Variants in ASPG observed in about 807,000 individuals in gnomAD.
The protein encoded by ASPG is asparaginase, also known as 60 kDa lysophospholipase.
ASPG carries 53 observed loss-of-function variants against 63.2 expected under a neutral mutation model. The ratio of observed to expected loss-of-function variants is 0.84; its 90% CI spans 0.67 to 1.05. ASPG has a LOEUF of 1.05. Among genes scored for constraint, ASPG ranks in the 50% least tolerant of loss-of-function variants. The probability of loss-of-function intolerance (pLI) is 0.00; values close to 1 mark genes in which losing one functional copy is unlikely to be tolerated. For missense variants in ASPG, 741 were observed against 794.4 expected (o/e 0.93, Z 0.81); for synonymous variants, 370 against 355.0 (o/e 1.04, Z -0.48).
At chr14:104,103,733 T>TC in intron 7 of ASPG, 58 bp downstream of exon 7, 1 of 1,449,856 alleles carries the variant, frequency 6.9e-7, no homozygotes, top group Non-Finnish European at 9.4e-7. Context: ...CCTCTGCAGC[T>TC]CCCACGGCCC....
At chr14:104,089,377 G>T (rs907111680) in intron 1 of ASPG, among the ~76,000 whole-genome samples, 4 of 151,934 alleles carry the variant, frequency 2.6e-5, no homozygotes, top group African/African-American at 9.7e-5. Flanking sequence ...AAATTAGCCA[G>T]ATGTGGTGGC....
In ASPG at chr14:104,105,347, G is replaced by C; in HGVS notation, c.1070G>C (p.Arg357Pro). 1 of 1,612,612 alleles carries C rather than the reference G, an allele frequency of 6.2e-7. No individual in the cohort carries two copies. The highest frequency in any genetic ancestry group is 1.7e-5 in the Admixed American group (1 of 60,018). ...VRKELLTKDL[R>P]GEMTPPSVEE... is the part of the protein sequence containing the mutation. ...CACCAGCTGCTGACCAAGGACCTTC[G>C]GGGGGAGATGACGCCACCCTCGGTG... is the stretch of plus-strand genomic sequence containing the variant. Residue 357 changes from arginine to proline, a missense_variant, in exon 10 of 16, where the codon CGG becomes CCG. Physicochemically the swap from Arg to Pro is moderately radical, Grantham distance 103. Coordinates refer to ENST00000551177, the MANE Select transcript of ASPG (RefSeq NM_001080464.3).
At chr14:104,092,451 C>T (rs116618648) in intron 1 of ASPG, among the ~76,000 whole-genome samples, 182 bp from the exon 2 acceptor site, 2,036 of 152,254 alleles carry the variant, frequency 0.013, 12 homozygotes, top group Middle Eastern at 0.017. Flanking sequence ...GGCTTCCAAA[C>T]GCGGGTCAGC....
At chr14:104,105,531 ACGAGCCCCTGTAGCCATCACTC>A in intron 10 of ASPG, 81 bp downstream of exon 10, 1 of 1,461,096 alleles carries the variant, frequency 6.8e-7, no homozygotes, top group Non-Finnish European at 9.1e-7. Context: ...CCAGGCAGGC[ACGAGCCCCTGTAGCCATCACTC>A]GAGCCCAAAC....
rs1566830394 is a variant in ASPG, at chr14:104,098,054, AGAGATGCG to A, written c.513+418_513+425del. 7.2e-3 allele frequency among the ~76,000 whole-genome samples: 650 copies of A among 90,504 alleles called. 118 individuals are homozygous for A. The highest frequency in any genetic ancestry group is 0.011 in the Middle Eastern group (2 of 190). The allele number at this position is 90,504 out of a possible 152,430, so 59.4% of individuals were successfully genotyped here. ...GAGATGCGTATGGAGGTTTTGCGTT[AGAGATGCG>A]TATGGAGGTTTTGCGTTAGAGATGC... is the stretch of plus-strand genomic sequence containing the variant. On this transcript the variant is annotated intron_variant, in intron 5 of 15. Coordinates refer to ENST00000551177, the MANE Select transcript of ASPG (RefSeq NM_001080464.3).
intron 12 of ASPG, chr14:104,108,445 C>CT (rs1279225722): frequency 3.0e-6 from 3 of 985,310 alleles, no homozygotes; most frequent in Non-Finnish European, 3.6e-6. Context: ...CCTCGCTCCG[C>CT]TGCCAGGCTC....
chr14:104,088,799 G>A (rs1298880942), intron 1 of ASPG, among the ~76,000 whole-genome samples: 3 of 152,164 alleles, frequency 2.0e-5, no homozygotes, highest in Non-Finnish European at 4.4e-5. Flanking sequence ...TTGTCTTAGA[G>A]AGCAAAGCCT....
rs368071297 is a variant in ASPG at position 104,092,691 on chromosome 14, C to T, written c.141C>T (p.Asp47=). 1,146 of 1,537,880 alleles carry T rather than the reference C, an allele frequency of 7.5e-4. 3 individuals carry two copies. The highest frequency in any genetic ancestry group is 7.7e-4 in the Non-Finnish European group (881 of 1,147,668). ...TGAGGACACTGCCCATGTTCCATGA[C>T]GAGGAGCACGCCCGAGCCCGCGGCC... ...AILRTLPMFH[D]EEHARARGLS... Residue 47 remains aspartate, a synonymous_variant, in exon 2 of 16, where the codon GAC becomes GAT. Coordinates refer to ENST00000551177, the MANE Select transcript of ASPG (RefSeq NM_001080464.3).
At position 104,107,234 on chromosome 14, in the gene ASPG, C is replaced by CG. The variant is rs1357919928; in HGVS notation, c.1322_1323insG (p.Ala442ArgfsTer85). 5.6e-6 allele frequency: 9 copies of CG among 1,605,638 alleles called. No homozygotes were observed. The highest frequency in any genetic ancestry group is 7.7e-6 in the Non-Finnish European group (9 of 1,175,548). ...AACGGCCAAACCCCACTGCACGCGG[C>CG]CGCCCGGGGAGGCCACACAGAGGCA... On this transcript the variant is annotated frameshift_variant, in exon 12 of 16. Coordinates refer to ENST00000551177, the MANE Select transcript of ASPG (RefSeq NM_001080464.3). LOFTEE classifies it high-confidence loss of function.
At position 104,103,669 on chromosome 14, in the gene ASPG, CG is replaced by C; in HGVS notation, c.748del (p.Ala250ProfsTer11). On this transcript the variant is annotated frameshift_variant, in exon 7 of 16. Transcript: ENST00000551177. LOFTEE classifies it high-confidence loss of function. ...LLRLYPGIPA[A>X]LVRAFLQPPL... The stretch of plus-strand genomic sequence containing the variant: ...TGCGCCTCTACCCTGGGATCCCTGC[CG>C]CCCTGGTAGGGACCGCCCCGGCCAT... 6.5e-7 allele frequency: 1 copy of C among 1,547,590 alleles called. No homozygotes were observed. The highest frequency in any genetic ancestry group is 2.4e-5 in the East Asian group (1 of 40,898).
At position 104,110,248 on chromosome 14, in the gene ASPG, G is replaced by A; in HGVS notation, c.1520+933G>A. The stretch of plus-strand genomic sequence containing the variant: ...CAGGCTTGGGGAGTGGGTGATGGCG[G>A]GGGCTCGGCTCACTGGCTGGGAGGG... On this transcript the variant is annotated intron_variant, in intron 13 of 15. Coordinates refer to ENST00000551177, the MANE Select transcript of ASPG (RefSeq NM_001080464.3). This position sits in a 1 kb window ranked among gnomAD's most constrained non-coding sequence, Gnocchi z 4.7. 7 of 985,156 alleles carry A rather than the reference G, an allele frequency of 7.1e-6. No individual in the cohort carries two copies. The highest frequency in any genetic ancestry group is 8.4e-6 in the Non-Finnish European group (7 of 829,780). 61.0% of individuals were successfully genotyped at this position (985,156 alleles called of 1,614,324 possible).
Position 104,105,350 on chromosome 14 carries a change from G to C in ASPG, c.1073G>C (p.Gly358Ala). ...RKELLTKDLRGEMTPPSVEER... is the reference protein window; with the variant it reads ...RKELLTKDLRAEMTPPSVEER... ...CAGCTGCTGACCAAGGACCTTCGGG[G>C]GGAGATGACGCCACCCTCGGTGGAA... is the stretch of plus-strand genomic sequence containing the variant. Residue 358 changes from glycine (G) to alanine (A), a missense_variant, in exon 10 of 16, where the codon GGG (glycine) becomes GCG (alanine). By Grantham distance (60) the Gly-to-Ala change is moderately conservative. Coordinates refer to ENST00000551177, the MANE Select transcript of ASPG (RefSeq NM_001080464.3). 6.2e-7 allele frequency: 1 copy of C among 1,612,628 alleles called. No individual in the cohort carries two copies.
rs199691591 is a variant in ASPG at position 104,097,930 on chromosome 14, G to A, written c.513+293G>A. On this transcript the variant is annotated intron_variant, in intron 5 of 15. Transcript: ENST00000551177. Reference sequence around the variant, plus strand: ...CGTATGGAGGTTCTGCGTTAGAGATGCGTATGGAGGTTCTGTGTTAGAGAT... The same window carrying A: ...CGTATGGAGGTTCTGCGTTAGAGATACGTATGGAGGTTCTGTGTTAGAGAT... Among the ~76,000 whole-genome samples the A allele has an allele frequency of 2.2e-3, 98 of 44,928 alleles. 1 individual carries two copies. Among genetic ancestry groups the A allele is most frequent in the South Asian group, 5.7e-3 (6 of 1,058 alleles). 29.5% of individuals were successfully genotyped at this position (44,928 alleles called of 152,430 possible).
In ASPG at chr14:104,105,276, G is replaced by C. The variant is rs540740435; in HGVS notation, c.1051-52G>C. The C allele has an allele frequency of 6.2e-6, 10 of 1,612,348 alleles. No homozygotes were observed. The African/African-American group carries it at 1.3e-4, about 21-fold the overall frequency. ...TAGCCCGACCCTCCAGGCTGTCCTG[G>C]GCTGCCCATCCAGCCCTGGCAGAGC... is the stretch of plus-strand genomic sequence containing the variant. On this transcript the variant is annotated intron_variant, in intron 9 of 15. Coordinates refer to ENST00000551177, the MANE Select transcript of ASPG (RefSeq NM_001080464.3).
intron 6 of ASPG, among the ~76,000 whole-genome samples, chr14:104,102,734 G>A (rs1036316828): frequency 2.6e-5 from 4 of 152,204 alleles, no homozygotes; most frequent in Admixed American, 2.0e-4. Flanking sequence ...CACATGGAGC[G>A]GGAAAGTCGG....
At chr14:104,086,210 A>G (rs2036218428) in intron 1 of ASPG, among the ~76,000 whole-genome samples, 1 of 152,054 alleles carries the variant, frequency 6.6e-6, no homozygotes, top group Non-Finnish European at 1.5e-5. Context: ...CTCTGGACAC[A>G]GAAGGCTTAG....
chr14:104,110,530 G>T lies in ASPG; in HGVS notation c.1521-972G>T. The T allele has an allele frequency of 1.0e-6, 1 of 985,340 alleles. No homozygotes were observed. The highest frequency in any genetic ancestry group is 1.2e-6 in the Non-Finnish European group (1 of 829,884). 61.0% of individuals were successfully genotyped at this position (985,340 alleles called of 1,614,324 possible). ...GTGGCCTGGCCAGCCTGAGCTGCTG[G>T]CTGGACTTGAGCCCCTCGGCTAGGC... is the stretch of plus-strand genomic sequence containing the variant. On this transcript the variant is annotated intron_variant, in intron 13 of 15. Transcript: ENST00000551177. The surrounding 1 kb of genome is among the most constrained non-coding windows in gnomAD (Gnocchi z 4.7).
At chr14:104,100,876 G>A (rs1174967723) in intron 6 of ASPG, among the ~76,000 whole-genome samples, 1 of 152,202 alleles carries the variant, frequency 6.6e-6, no homozygotes, top group Admixed American at 6.5e-5. Context: ...TGCCCTGCAG[G>A]CCCGGCTCCC....
Position 104,103,544 on chromosome 14 carries a change from G to A in ASPG, c.641-19G>A, listed in dbSNP as rs2036975808. On this transcript the variant is annotated intron_variant, in intron 6 of 15. Transcript: ENST00000551177. ...GCAGGAGGCCTGAAGGCACCACACA[G>A]GCCCTTCCCTGTCCTCAGTCAACAG... The A allele has an allele frequency of 1.3e-6, 2 of 1,545,496 alleles. No homozygotes were observed. The highest frequency in any genetic ancestry group is 1.7e-6 in the Non-Finnish European group (2 of 1,145,044).
Sources: gnomAD v4.1 joint callset for allele counts (sites outside exome capture counted in the v4.1 genomes callset) on GRCh38, gnomAD v4.1.1 for gene constraint, Gnocchi (gnomAD v3.1) non-coding constraint, MANE v1.5 for transcripts, NCBI Gene and HGNC (gene_info 2026-07-23, HGNC 2026-07-21) for gene names.